BLK: variants seen among roughly 807,000 people sequenced by gnomAD.
BLK encodes tyrosine-protein kinase Blk.
In BLK, 64 loss-of-function variants were observed where a neutral mutation model predicts 61.8. The ratio of observed to expected loss-of-function variants is 1.03; its 90% CI spans 0.85 to 1.27. The LOEUF is 1.27. Among genes scored for constraint, BLK ranks in the 50% most tolerant of loss-of-function variants. The pLI, the probability that BLK is intolerant of heterozygous loss-of-function variation, is 0.00. For synonymous variants in BLK, 351 were observed against 272.0 expected (o/e 1.29, Z -2.86); for missense variants, 853 against 660.5 (o/e 1.29, Z -3.19).
intron 1 of BLK, among the ~76,000 whole-genome samples, chr8:11,534,081 A>G (rs1055023793): frequency 6.6e-6 from 1 of 152,230 alleles, no homozygotes; most frequent in African/African-American, 2.4e-5. Context: ...TTAAAAATGC[A>G]GATACCAGCA....
At chr8:11,527,820 T>C (rs939458226) in intron 1 of BLK, among the ~76,000 whole-genome samples, 1 of 151,526 alleles carries the variant, frequency 6.6e-6, no homozygotes, top group African/African-American at 2.4e-5. Context: ...GGTTCTGCAA[T>C]AGTGATGTTA....
chr8:11,504,420 A>G (rs904872143), intron 1 of BLK, among the ~76,000 whole-genome samples: 1 of 151,732 alleles, frequency 6.6e-6, no homozygotes, highest in Non-Finnish European at 1.5e-5. Context: ...AGAAAAAAAA[A>G]AGAAAAGATC....
intron 10 of BLK, chr8:11,558,679 G>A (rs1444392980): frequency 1.3e-5 from 6 of 456,160 alleles, no homozygotes; most frequent in African/African-American, 8.0e-5. Context: ...ACTCCATGGG[G>A]TGAAGAGCAG....
chr8:11,519,988 G>A (rs964342809), intron 1 of BLK, among the ~76,000 whole-genome samples: 1 of 152,132 alleles, frequency 6.6e-6, no homozygotes, highest in Non-Finnish European at 1.5e-5. Context: ...ATATTTTTCT[G>A]TAAAGAGCAC....
chr8:11,509,668 A>T (rs1318506791), intron 1 of BLK: 1 of 152,214 alleles, frequency 6.6e-6, no homozygotes, highest in East Asian at 1.9e-4. Flanking sequence ...TGGACCACTT[A>T]GAGGGGCAGT....
At chr8:11,507,653 G>A (rs753618318) in intron 1 of BLK, among the ~76,000 whole-genome samples, 7 of 152,216 alleles carry the variant, frequency 4.6e-5, no homozygotes, top group Non-Finnish European at 1.0e-4. Flanking sequence ...CCAGCTTGGG[G>A]GTTTGGGGGT....
chr8:11,525,859 C>T (rs1447427497), intron 1 of BLK, among the ~76,000 whole-genome samples: 1 of 152,160 alleles, frequency 6.6e-6, no homozygotes, highest in African/African-American at 2.4e-5. Flanking sequence ...ATTCTCCTGC[C>T]TTAGCCTCCT....
intron 10 of BLK, 145 bp downstream of exon 10, chr8:11,558,183 C>T (rs1227935397): frequency 1.3e-6 from 1 of 787,378 alleles, no homozygotes; most frequent in African/African-American, 1.7e-5. Context: ...GCAGATATCC[C>T]CAAGGTCACC....
At chr8:11,551,558 T>A (rs1334018554) in intron 6 of BLK, among the ~76,000 whole-genome samples, 1 of 152,208 alleles carries the variant, frequency 6.6e-6, no homozygotes. Flanking sequence ...GCGCACATGA[T>A]TCAACCAGTA....
chr8:11,552,828 TG>T (rs1800970755), intron 6 of BLK: 1 of 152,262 alleles, frequency 6.6e-6, no homozygotes, highest in Admixed American at 6.5e-5. Context: ...CAGTCCAAGC[TG>T]GGAATAGGCC....
Position 11,555,396 on chromosome 8 carries a change from C to G in BLK, c.684C>G (p.Pro228=). The G allele has an allele frequency of 6.2e-7, 1 of 1,614,172 alleles. No individual in the cohort carries two copies. The highest frequency in any genetic ancestry group is 2.2e-5 in the East Asian group (1 of 44,870). ...LPCVRPAPQN[P]WAQDEWEIPR... is the part of the protein sequence containing the mutation. ...GTGTGCGCCCGGCCCCGCAGAATCC[C>G]TGGGCCCAGGATGAATGGGAGATCC... is the stretch of plus-strand genomic sequence containing the variant. Residue 228 remains proline (P), a synonymous_variant, in exon 8 of 13, where the codon CCC becomes CCG. Transcript: ENST00000259089.
intron 1 of BLK, among the ~76,000 whole-genome samples, chr8:11,510,774 C>CAAATAAAT (rs71203391): frequency 8.9e-4 from 129 of 144,934 alleles, no homozygotes; most frequent in South Asian, 1.1e-3. Context: ...GACTCCATCT[C>CAAATAAAT]AAATAAATAA....
At chr8:11,560,792 G>T (rs1460745045) in intron 10 of BLK, 1 of 449,334 alleles carries the variant, frequency 2.2e-6, no homozygotes, top group African/African-American at 2.0e-5. Flanking sequence ...CTGCCCTGGA[G>T]ACCACATCCC....
Position 11,550,295 on chromosome 8 carries a change from C to T in BLK, c.472+33C>T, listed in dbSNP as rs199898752. 22 of 1,601,230 alleles carry T rather than the reference C, an allele frequency of 1.4e-5. No individual in the cohort carries two copies. The Middle Eastern group carries it at 1.3e-3, about 97-fold the overall frequency. ...TGGTGGCTTTGCCTGCCTTCCTTGC[C>T]CTGCTCCTCCCGGGAAGGCGCCTCC... On this transcript the variant is annotated intron_variant, in intron 6 of 12. Transcript: ENST00000259089.
At chr8:11,525,447 C>A (rs1260024342) in intron 1 of BLK, among the ~76,000 whole-genome samples, 2 of 151,354 alleles carry the variant, frequency 1.3e-5, no homozygotes, top group Admixed American at 1.3e-4. Flanking sequence ...TTTTAAATTT[C>A]ACACAAGCAG....
chr8:11,562,533 C>A (rs138688841), intron 11 of BLK, among the ~76,000 whole-genome samples: 34 of 152,176 alleles, frequency 2.2e-4, no homozygotes, highest in African/African-American at 8.2e-4. Context: ...TTCCTCATAG[C>A]GGCCCTCGGA....
At chr8:11,498,595 G>T (rs193266870) in intron 1 of BLK, among the ~76,000 whole-genome samples, 12 of 152,336 alleles carry the variant, frequency 7.9e-5, no homozygotes, top group African/African-American at 2.6e-4. Context: ...GTCTCGTCCT[G>T]CAGTGTAGTG....
At position 11,500,547 on chromosome 8, in the gene BLK, G is replaced by C. The variant is rs150329231; in HGVS notation, c.-2+5956G>C. Among the ~76,000 whole-genome samples the C allele has an allele frequency of 9.6e-3, 1,440 of 149,684 alleles. 27 individuals carry two copies. Among genetic ancestry groups the C allele is most frequent in the African/African-American group, 0.034 (1,374 of 40,704 alleles). ...TTTTGTTTGTTTGAGATAGGGTCTC[G>C]CTCTGCCTCCCAGGCTGGAGTGCAG... On this transcript the variant is annotated intron_variant, in intron 1 of 12. Coordinates refer to ENST00000259089, the MANE Select transcript of BLK (RefSeq NM_001715.3).
At chr8:11,521,381 C>T (rs1425897937) in intron 1 of BLK, among the ~76,000 whole-genome samples, 1 of 152,190 alleles carries the variant, frequency 6.6e-6, no homozygotes, top group Non-Finnish European at 1.5e-5. Context: ...GCCTTGACTT[C>T]CCAGGCTCAA....
Sources: gnomAD v4.1 joint callset for allele counts (sites outside exome capture counted in the v4.1 genomes callset) on GRCh38, gnomAD v4.1.1 for gene constraint, MANE v1.5 for transcripts, NCBI Gene and HGNC (gene_info 2026-07-23, HGNC 2026-07-21) for gene names.